The following UNC13C variants were observed in gnomAD, a reference collection of about 807,000 sequenced individuals.
UNC13C encodes the protein unc-13 homolog C, also known as protein unc-13 homolog C.
A neutral mutation model predicts 245.4 loss-of-function variants in UNC13C; 174 were observed. The observed-to-expected ratio is 0.71, with a 90% CI of 0.63 to 0.80. The LOEUF (loss-of-function observed/expected upper bound fraction) is 0.80, where lower values mean the gene tolerates loss of function less well. Among genes scored for constraint, UNC13C ranks in the 30% least tolerant of loss-of-function variants. The pLI, the probability that UNC13C is intolerant of heterozygous loss-of-function variation, is 0.00. For missense variants in UNC13C, 2,829 were observed against 2,602.9 expected, an observed-to-expected ratio of 1.09 and a Z score of -1.89; for synonymous variants, 992 against 895.1, an observed-to-expected ratio of 1.11 and a Z score of -1.93.
At chr15:54,007,541 A>G (rs1254912579) in intron 1 of UNC13C, among the ~76,000 whole-genome samples, 1 of 152,156 alleles carries the variant, frequency 6.6e-6, no homozygotes, top group Admixed American at 6.6e-5. Context: ...CTTCTCACTC[A>G]TAAGTGGGAG....
At position 54,320,091 on chromosome 15, in the gene UNC13C, G is replaced by GA. The variant is rs575906609; in HGVS notation, c.4269-1843dup. 1.7e-3 allele frequency among the ~76,000 whole-genome samples: 253 copies of GA among 152,044 alleles called. 4 individuals are homozygous for GA. The highest frequency in any genetic ancestry group is 5.8e-3 in the African/African-American group (240 of 41,534). ...TTGCTTACAGAAGATATTTCTTTCT[G>GA]AAAAATCATACAAACTGGACTCAAG... On this transcript the variant is annotated intron_variant, in intron 13 of 32. Coordinates refer to ENST00000260323, the MANE Select transcript of UNC13C (RefSeq NM_001080534.3).
At chr15:54,385,941 C>T (rs1286687260) in intron 17 of UNC13C, among the ~76,000 whole-genome samples, 1 of 152,186 alleles carries the variant, frequency 6.6e-6, no homozygotes, top group African/African-American at 2.4e-5. Flanking sequence ...AATTCTCAAA[C>T]TGCAAATGAG....
At chr15:54,232,507 G>A (rs1199565025) in intron 4 of UNC13C, among the ~76,000 whole-genome samples, 1 of 152,042 alleles carries the variant, frequency 6.6e-6, no homozygotes, top group Non-Finnish European at 1.5e-5. Flanking sequence ...TCAAGATTCT[G>A]GGTGTACTTT....
At chr15:54,085,606 TTTTA>T (rs201423483) in intron 2 of UNC13C, among the ~76,000 whole-genome samples, 1 of 151,960 alleles carries the variant, frequency 6.6e-6, no homozygotes, top group African/African-American at 2.4e-5. Flanking sequence ...TCCAATAAAA[TTTTA>T]TTTATTTATT....
At chr15:54,466,971 C>T (rs1395911102) in intron 19 of UNC13C, among the ~76,000 whole-genome samples, 2 of 151,810 alleles carry the variant, frequency 1.3e-5, no homozygotes, top group African/African-American at 4.8e-5. Flanking sequence ...TCCAGAGCTA[C>T]TGTATTGACC....
At chr15:54,511,893 C>A in intron 24 of UNC13C, 63 bp downstream of exon 24, 1 of 1,201,170 alleles carries the variant, frequency 8.3e-7, no homozygotes, top group Non-Finnish European at 1.2e-6. Context: ...CAGCATATCT[C>A]TTGCTATGAA....
At chr15:54,095,682 G>A (rs769264695) in intron 2 of UNC13C, among the ~76,000 whole-genome samples, 3 of 152,182 alleles carry the variant, frequency 2.0e-5, no homozygotes, top group African/African-American at 4.8e-5. Context: ...AGTCACTTTT[G>A]AGAAGCACTA....
chr15:54,370,808 C>G (rs1412427366), intron 17 of UNC13C, among the ~76,000 whole-genome samples: 1 of 151,838 alleles, frequency 6.6e-6, no homozygotes, highest in Non-Finnish European at 1.5e-5. Flanking sequence ...TATTATAAAG[C>G]TATTTTTTAA....
intron 30 of UNC13C, chr15:54,609,386 A>G (rs1899953334): frequency 6.6e-6 from 1 of 152,178 alleles, no homozygotes; most frequent in South Asian, 2.1e-4. Flanking sequence ...TTTGTTCATG[A>G]TAGCTGCTTG....
At chr15:54,147,789 C>CGCGTGTGTGTGTGTGTGT (rs2032339594) in intron 4 of UNC13C, among the ~76,000 whole-genome samples, 2 of 147,592 alleles carry the variant, frequency 1.4e-5, no homozygotes, top group Non-Finnish European at 3.0e-5. Flanking sequence ...AAGGTGTGTG[C>CGCGTGTGTGTGTGTGTGT]GTGTGTGTGT....
At chr15:54,448,930 G>A (rs989483312) in intron 19 of UNC13C, among the ~76,000 whole-genome samples, 7 of 152,124 alleles carry the variant, frequency 4.6e-5, no homozygotes, top group Non-Finnish European at 7.3e-5. Flanking sequence ...TCCTTTCCAT[G>A]TTTAGTGCTT....
intron 4 of UNC13C, among the ~76,000 whole-genome samples, chr15:54,155,396 CACG>C (rs2141257146): frequency 6.6e-6 from 1 of 152,258 alleles, no homozygotes; most frequent in East Asian, 1.9e-4. Context: ...ATTGTGAAAA[CACG>C]TCATAAGTCC....
chr15:54,156,720 A>G (rs1009618748), intron 4 of UNC13C, among the ~76,000 whole-genome samples: 3 of 147,084 alleles, frequency 2.0e-5, no homozygotes, highest in Admixed American at 1.4e-4. Context: ...GTTTGCTTTC[A>G]TTGGTTTACA....
chr15:54,440,735 C>T (rs1596378610), intron 19 of UNC13C, among the ~76,000 whole-genome samples: 1 of 151,998 alleles, frequency 6.6e-6, no homozygotes, highest in African/African-American at 2.4e-5. Context: ...AATCTCTATA[C>T]TGTTTTCCAT....
intron 2 of UNC13C, among the ~76,000 whole-genome samples, chr15:54,100,425 C>T (rs2141154298): frequency 6.6e-6 from 1 of 152,292 alleles, no homozygotes; most frequent in Non-Finnish European, 1.5e-5. Context: ...ACCTCACGGG[C>T]CATTCCTTTT....
the UNC13C span, among the ~76,000 whole-genome samples, chr15:53,946,657 G>T: frequency 6.9e-5 from 10 of 145,834 alleles, no homozygotes; most frequent in African/African-American, 2.3e-4. Flanking sequence ...GGAGGGGGAG[G>T]TTGCAGTGAG....
chr15:54,117,194 G>A (rs1013546687), intron 2 of UNC13C, among the ~76,000 whole-genome samples: 2 of 152,068 alleles, frequency 1.3e-5, no homozygotes, highest in Non-Finnish European at 2.9e-5. Flanking sequence ...CAGATGGATA[G>A]TTTGCAAATA....
chr15:54,491,978 C>T (rs1893734808), intron 19 of UNC13C, among the ~76,000 whole-genome samples: 2 of 149,112 alleles, frequency 1.3e-5, no homozygotes, highest in South Asian at 2.1e-4. Context: ...GGCGACAAAG[C>T]GAGACTCCAT....
chr15:54,394,878 A>G (rs1258916438), intron 18 of UNC13C, among the ~76,000 whole-genome samples: 1 of 151,964 alleles, frequency 6.6e-6, no homozygotes, highest in Non-Finnish European at 1.5e-5. Flanking sequence ...ATGTAACTGT[A>G]GTAAAGAAAC....
Sources: allele counts gnomAD v4.1 joint callset (sites outside exome capture counted in the v4.1 genomes callset), GRCh38; gene constraint gnomAD v4.1.1; transcripts MANE v1.5; gene names NCBI Gene and HGNC (gene_info 2026-07-23, HGNC 2026-07-21).